TSHR: variants seen among roughly 807,000 people sequenced by gnomAD.
The protein encoded by TSHR is thyrotropin receptor.
Under a neutral mutation model 64.1 loss-of-function variants are expected in TSHR, and 51 were observed. The observed-to-expected ratio is 0.80, with a 90% CI of 0.64 to 1.01. TSHR has a LOEUF of 1.01. Ranked by LOEUF, TSHR falls within the 50% of genes least tolerant of loss-of-function variation. TSHR has a pLI of 0.00. For synonymous variants in TSHR, 361 were observed against 361.9 expected (o/e 1.00, Z 0.03); for missense variants, 877 against 942.8 (o/e 0.93, Z 0.91).
At chr14:80,991,631 A>G (rs1888730098) in intron 1 of TSHR, 1 of 398,470 alleles carries the variant, frequency 2.5e-6, no homozygotes, top group African/African-American at 2.1e-5. Flanking sequence ...AAGAGGAAAG[A>G]AAGAGTTGAT....
At chr14:81,022,550 C>T (rs554814216) in intron 1 of TSHR, among the ~76,000 whole-genome samples, 59 of 151,352 alleles carry the variant, frequency 3.9e-4, no homozygotes, top group African/African-American at 8.5e-4. Flanking sequence ...GGGCCGGGCA[C>T]GGTGGCTCAC....
At chr14:81,115,076 G>C (rs1890432008) in intron 8 of TSHR, among the ~76,000 whole-genome samples, 1 of 152,176 alleles carries the variant, frequency 6.6e-6, no homozygotes, top group African/African-American at 2.4e-5. Context: ...CACAAAGATG[G>C]GGAAAAAACA....
chr14:81,133,249 G>T (rs895281093), intron 8 of TSHR, among the ~76,000 whole-genome samples: 3 of 152,196 alleles, frequency 2.0e-5, no homozygotes, highest in East Asian at 1.9e-4. Context: ...ACATCCACAA[G>T]AATTTTTACT....
intron 3 of TSHR, among the ~76,000 whole-genome samples, chr14:81,086,606 G>A (rs750435935): frequency 1.3e-5 from 2 of 152,206 alleles, no homozygotes; most frequent in African/African-American, 4.8e-5. Flanking sequence ...CCCCACAAAA[G>A]AGGTGTTGTT....
intron 8 of TSHR, among the ~76,000 whole-genome samples, chr14:81,121,431 T>C (rs1890787049): frequency 6.6e-6 from 1 of 152,188 alleles, no homozygotes; most frequent in African/African-American, 2.4e-5. Flanking sequence ...TTTTCTCACA[T>C]GCAAAATCTC....
chr14:81,101,282 A>G (rs1889563754), intron 7 of TSHR, among the ~76,000 whole-genome samples: 1 of 152,192 alleles, frequency 6.6e-6, no homozygotes, highest in Admixed American at 6.5e-5. Context: ...GAACTAGTAA[A>G]GATTTCAAAT....
At chr14:81,097,901 A>C (rs913335273) in intron 7 of TSHR, among the ~76,000 whole-genome samples, 1 of 152,092 alleles carries the variant, frequency 6.6e-6, no homozygotes, top group Non-Finnish European at 1.5e-5. Flanking sequence ...ATAATGGTTC[A>C]TTTCCATTAT....
intron 7 of TSHR, among the ~76,000 whole-genome samples, chr14:81,098,062 C>T (rs1304506942): frequency 6.6e-6 from 1 of 152,188 alleles, no homozygotes; most frequent in Non-Finnish European, 1.5e-5. Flanking sequence ...ATCTACTTTT[C>T]AACATATTTA....
intron 1 of TSHR, among the ~76,000 whole-genome samples, chr14:81,000,566 C>T (rs1043844662): frequency 6.6e-6 from 1 of 152,118 alleles, no homozygotes; most frequent in Non-Finnish European, 1.5e-5. Flanking sequence ...AGCCTGCCTA[C>T]CACTGGGGTA....
chr14:81,046,969 G>A (rs1885195343), intron 1 of TSHR, among the ~76,000 whole-genome samples: 1 of 152,176 alleles, frequency 6.6e-6, no homozygotes. Context: ...CAGTAAAAGT[G>A]TCTTCCCATA....
chr14:81,135,099 A>AAATT (rs1891400476), intron 8 of TSHR, among the ~76,000 whole-genome samples: 1 of 152,246 alleles, frequency 6.6e-6, no homozygotes, highest in Non-Finnish European at 1.5e-5. Context: ...AGCCAGCTAA[A>AAATT]GTACCAATTG....
At chr14:81,080,146 G>A (rs1042375861) in intron 3 of TSHR, among the ~76,000 whole-genome samples, 3 of 152,040 alleles carry the variant, frequency 2.0e-5, no homozygotes, top group African/African-American at 7.2e-5. Flanking sequence ...TAGAGAAGGG[G>A]TTTCACCATG....
At chr14:81,129,845 A>C (rs1000522373) in intron 8 of TSHR, among the ~76,000 whole-genome samples, 6 of 152,144 alleles carry the variant, frequency 3.9e-5, no homozygotes, top group Non-Finnish European at 8.8e-5. Flanking sequence ...GCCTCTCAAA[A>C]ACTCAAGGAC....
At chr14:80,980,922 G>C (rs1471985507) in intron 1 of TSHR, among the ~76,000 whole-genome samples, 1 of 152,020 alleles carries the variant, frequency 6.6e-6, no homozygotes, top group African/African-American at 2.4e-5. Context: ...TCGGTTGTCT[G>C]TTCTGTTTCA....
At chr14:80,956,407 T>C (rs544989412) in intron 1 of TSHR, among the ~76,000 whole-genome samples, 3 of 152,296 alleles carry the variant, frequency 2.0e-5, no homozygotes, top group African/African-American at 7.2e-5. Context: ...GCCAGTGAAA[T>C]AGTACGTCCA....
At chr14:81,084,307 T>G (rs1393666307) in intron 3 of TSHR, among the ~76,000 whole-genome samples, 1 of 152,196 alleles carries the variant, frequency 6.6e-6, no homozygotes, top group East Asian at 1.9e-4. Flanking sequence ...TATATAAAGC[T>G]TTACTTTTTT....
Position 80,958,178 on chromosome 14 carries a change from G to A in TSHR, c.170+2328G>A, listed in dbSNP as rs560628854. ...TAACAATTATATTGTGTTTACTTAC[G>A]GGGGCGGGGGGTCCTGTTCTCAGCG... On this transcript the variant is annotated intron_variant, in intron 1 of 9. Coordinates refer to ENST00000298171, the MANE Select transcript of TSHR (RefSeq NM_000369.5). 3 of 152,174 alleles carry A rather than the reference G, an allele frequency of 2.0e-5. No individual in the cohort carries two copies. The South Asian group carries it at 6.2e-4, about 32-fold the overall frequency. 9.4% of individuals were successfully genotyped at this position (152,174 alleles called of 1,614,324 possible).
intron 1 of TSHR, among the ~76,000 whole-genome samples, chr14:81,032,168 C>A (rs114220489): frequency 0.016 from 2,400 of 152,080 alleles, 61 homozygotes; most frequent in African/African-American, 0.055. Context: ...TAAAAAGAAC[C>A]AAACAAACTT....
chr14:81,035,402 C>A (rs1197912898), intron 1 of TSHR, among the ~76,000 whole-genome samples: 1 of 152,086 alleles, frequency 6.6e-6, no homozygotes, highest in African/African-American at 2.4e-5. Flanking sequence ...TTGCAGGAGA[C>A]CTGATAATGG....
Sources: gnomAD v4.1 joint callset for allele counts (sites outside exome capture counted in the v4.1 genomes callset) on GRCh38, gnomAD v4.1.1 for gene constraint, MANE v1.5 for transcripts, NCBI Gene and HGNC (gene_info 2026-07-23, HGNC 2026-07-21) for gene names.